Variants in SIMC1 observed in about 807,000 individuals in gnomAD.
SIMC1 encodes SUMO interacting motifs containing 1.
SIMC1 carries 55 observed loss-of-function variants against 82.3 expected under a neutral mutation model. The observed-to-expected ratio is 0.67, with a 90% CI of 0.54 to 0.84. SIMC1 has a LOEUF of 0.84. Among genes scored for constraint, SIMC1 ranks in the 40% least tolerant of loss-of-function variants. The pLI, the probability that SIMC1 is intolerant of heterozygous loss-of-function variation, is 0.00. For missense variants in SIMC1, 915 were observed against 1,107.2 expected, an observed-to-expected ratio of 0.83 and a Z score of 2.46; for synonymous variants, 353 against 426.3, an observed-to-expected ratio of 0.83 and a Z score of 2.12.
chr5:176,242,009 A>G (rs746616501), intron 1 of SIMC1, among the ~76,000 whole-genome samples: 2 of 152,114 alleles, frequency 1.3e-5, no homozygotes, highest in Non-Finnish European at 2.9e-5. Context: ...GGTGTTATTC[A>G]AGGTTTACGA....
chr5:176,343,521 C>T (rs527414969), intron 9 of SIMC1, among the ~76,000 whole-genome samples: 17 of 152,262 alleles, frequency 1.1e-4, no homozygotes, highest in Admixed American at 2.6e-4. Context: ...TTTAGACCTA[C>T]GGAAAAGTAG....
intron 1 of SIMC1, among the ~76,000 whole-genome samples, chr5:176,278,085 G>C (rs1762798338): frequency 9.0e-6 from 1 of 111,006 alleles, no homozygotes; most frequent in East Asian, 2.5e-4. Flanking sequence ...CCATGAGCAT[G>C]GAATGTTCTT....
chr5:176,309,107 T>A, intron 4 of SIMC1: 1 of 663,902 alleles, frequency 1.5e-6, no homozygotes, highest in Non-Finnish European at 2.7e-6. Context: ...AGGACTCACA[T>A]TACCTGACTT....
At chr5:176,243,077 G>T (rs1356144496) in intron 1 of SIMC1, among the ~76,000 whole-genome samples, 1 of 151,970 alleles carries the variant, frequency 6.6e-6, no homozygotes, top group Non-Finnish European at 1.5e-5. Flanking sequence ...GGGACCAGAG[G>T]TGAACAAGAT....
chr5:176,248,301 TCTC>T (rs781428194), intron 1 of SIMC1, among the ~76,000 whole-genome samples: 1 of 152,084 alleles, frequency 6.6e-6, no homozygotes, highest in Non-Finnish European at 1.5e-5. Flanking sequence ...GGTTTGTAGT[TCTC>T]CTTGAAGAGG....
At chr5:176,266,189 C>T (rs1253116775) in intron 1 of SIMC1, among the ~76,000 whole-genome samples, 3 of 152,040 alleles carry the variant, frequency 2.0e-5, no homozygotes, top group Admixed American at 6.5e-5. Context: ...TGTGACTTTG[C>T]GGCTTTTTTA....
At chr5:176,320,157 A>T (rs540358754) in intron 5 of SIMC1, among the ~76,000 whole-genome samples, 2 of 152,154 alleles carry the variant, frequency 1.3e-5, no homozygotes, top group Admixed American at 1.3e-4. Flanking sequence ...TGCATTCAGC[A>T]TGCCTATGTT....
intron 5 of SIMC1, among the ~76,000 whole-genome samples, chr5:176,318,072 A>T (rs1472840284): frequency 2.0e-5 from 3 of 152,208 alleles, no homozygotes; most frequent in Non-Finnish European, 2.9e-5. Flanking sequence ...GTGGCCCACC[A>T]TCAGTTCGAT....
At chr5:176,324,586 GC>G in intron 6 of SIMC1, 42 bp from the exon 7 acceptor site, 1 of 1,590,582 alleles carries the variant, frequency 6.3e-7, no homozygotes, top group Non-Finnish European at 8.6e-7. Context: ...GTGGCTCCTT[GC>G]CAGACCCTCA....
intron 1 of SIMC1, among the ~76,000 whole-genome samples, chr5:176,269,915 T>G (rs1047671818): frequency 1.3e-5 from 2 of 152,010 alleles, no homozygotes; most frequent in African/African-American, 4.8e-5. Flanking sequence ...CCAGCAAGTT[T>G]ATTTTATTTT....
chr5:176,289,750 C>A lies in SIMC1; in HGVS notation c.226C>A (p.Pro76Thr). 6.2e-7 allele frequency: 1 copy of A among 1,613,816 alleles called. No homozygotes were observed. The highest frequency in any genetic ancestry group is 1.1e-5 in the South Asian group (1 of 91,048). Residue 76 changes from proline (P) to threonine (T), a missense_variant, in exon 2 of 10, where the codon CCT becomes ACT. Transcript: ENST00000429602. ...DLTRAEGENR[P>T]IATLDLTLEP... The stretch of plus-strand genomic sequence containing the variant: ...GACAAGAGCTGAGGGAGAAAATAGA[C>A]CTATTGCCACTCTTGACTTAACTTT...
At chr5:176,283,632 C>G (rs996258191) in intron 1 of SIMC1, among the ~76,000 whole-genome samples, 1 of 152,288 alleles carries the variant, frequency 6.6e-6, no homozygotes, top group East Asian at 1.9e-4. Context: ...AGCAAACTAA[C>G]CAGCTAACAT....
At position 176,324,763 on chromosome 5, in the gene SIMC1, T is replaced by C; in HGVS notation, c.2171+6T>C. The C allele has an allele frequency of 6.3e-7, 1 of 1,581,170 alleles. No individual in the cohort carries two copies. The highest frequency in any genetic ancestry group is 8.6e-7 in the Non-Finnish European group (1 of 1,164,056). On this transcript the variant is annotated splice_donor_region_variant and intron_variant, in intron 7 of 9. Transcript: ENST00000429602. The stretch of plus-strand genomic sequence containing the variant: ...ATTCCTGAGAGGAGCCAGAGGTGAG[T>C]CTTGATTTTGTTGGGGAGAGCAGTT...
intron 1 of SIMC1, among the ~76,000 whole-genome samples, chr5:176,253,293 C>T (rs1761749078): frequency 6.6e-6 from 1 of 152,092 alleles, no homozygotes; most frequent in Non-Finnish European, 1.5e-5. Context: ...CTCTGGCTGC[C>T]CTTAATATTT....
At chr5:176,301,965 A>G (rs1419617723) in intron 4 of SIMC1, among the ~76,000 whole-genome samples, 2 of 152,214 alleles carry the variant, frequency 1.3e-5, no homozygotes, top group Non-Finnish European at 2.9e-5. Context: ...TCCCTTGGAT[A>G]CCAAAATTTG....
intron 5 of SIMC1, among the ~76,000 whole-genome samples, chr5:176,319,287 T>C (rs1020738782): frequency 1.3e-5 from 2 of 152,248 alleles, no homozygotes; most frequent in Non-Finnish European, 2.9e-5. Context: ...ATGTCCTTCA[T>C]TTCTAATAAA....
At chr5:176,305,859 G>A (rs1280807461) in intron 4 of SIMC1, among the ~76,000 whole-genome samples, 1 of 79,760 alleles carries the variant, frequency 1.3e-5, no homozygotes, top group African/African-American at 5.2e-5. Flanking sequence ...GAGGTGGGGG[G>A]GGTCAGCCCC....
intron 4 of SIMC1, among the ~76,000 whole-genome samples, chr5:176,310,046 A>G (rs1764597782): frequency 6.6e-6 from 1 of 152,254 alleles, no homozygotes; most frequent in African/African-American, 2.4e-5. Flanking sequence ...GCAAGTAAGC[A>G]TATGAAAAGC....
chr5:176,310,643 CTGG>C (rs1764626039), intron 4 of SIMC1, among the ~76,000 whole-genome samples: 1 of 152,108 alleles, frequency 6.6e-6, no homozygotes, highest in Non-Finnish European at 1.5e-5. Flanking sequence ...GGGATAGGGA[CTGG>C]AGGAGGTGTG....
Sources: gnomAD v4.1 joint callset for allele counts (sites outside exome capture counted in the v4.1 genomes callset) on GRCh38, gnomAD v4.1.1 for gene constraint, MANE v1.5 for transcripts, NCBI Gene and HGNC (gene_info 2026-07-23, HGNC 2026-07-21) for gene names.